Variants in NR2F1-AS1 observed in about 807,000 individuals in gnomAD.
NR2F1-AS1 encodes the protein NR2F1 antisense RNA 1.
intron 1 of NR2F1-AS1, chr5:93,569,986 C>G (rs1342892605): frequency 6.6e-6 from 1 of 152,184 alleles, no homozygotes; most frequent in Non-Finnish European, 1.5e-5. Context: ...GTAGTATTTC[C>G]GTTTCTCAGT....
At chr5:93,522,045 A>G (rs1242140622) in intron 4 of NR2F1-AS1, among the ~76,000 whole-genome samples, 1 of 152,248 alleles carries the variant, frequency 6.6e-6, no homozygotes, top group African/African-American at 2.4e-5. Flanking sequence ...GAATAAGATC[A>G]TATCTTTCAC....
chr5:93,444,960 T>C (rs964040892), intron 4 of NR2F1-AS1, among the ~76,000 whole-genome samples: 1 of 152,118 alleles, frequency 6.6e-6, no homozygotes, highest in African/African-American at 2.4e-5. Context: ...ATTGGGTACA[T>C]AACAAAATGA....
intron 4 of NR2F1-AS1, among the ~76,000 whole-genome samples, chr5:93,441,583 G>C (rs1398107786): frequency 1.3e-5 from 2 of 152,136 alleles, no homozygotes; most frequent in Non-Finnish European, 2.9e-5. Context: ...GAAAGATCAA[G>C]GTAGCTCAAC....
At chr5:93,574,509 C>A (rs575098082) in intron 1 of NR2F1-AS1, among the ~76,000 whole-genome samples, 5 of 152,048 alleles carry the variant, frequency 3.3e-5, no homozygotes, top group African/African-American at 1.2e-4. Context: ...AGAGTCAGAC[C>A]GCCAAAACAG....
At chr5:93,484,041 A>G (rs924333557) in intron 4 of NR2F1-AS1, among the ~76,000 whole-genome samples, 4 of 152,364 alleles carry the variant, frequency 2.6e-5, no homozygotes, top group African/African-American at 4.8e-5. Flanking sequence ...GATATTATCC[A>G]TGAGAACTTC....
intron 4 of NR2F1-AS1, among the ~76,000 whole-genome samples, chr5:93,516,515 C>A (rs1751404037): frequency 6.6e-6 from 1 of 151,850 alleles, no homozygotes; most frequent in Non-Finnish European, 1.5e-5. Flanking sequence ...TTATAATTTA[C>A]AAGGCACTTC....
At chr5:93,488,272 G>A (rs1345686463) in intron 4 of NR2F1-AS1, among the ~76,000 whole-genome samples, 1 of 152,152 alleles carries the variant, frequency 6.6e-6, no homozygotes, top group African/African-American at 2.4e-5. Context: ...CTTCTGCATA[G>A]CAAAAGAAAC....
chr5:93,574,599 C>T (rs1399590376), intron 1 of NR2F1-AS1, among the ~76,000 whole-genome samples: 1 of 152,162 alleles, frequency 6.6e-6, no homozygotes, highest in Non-Finnish European at 1.5e-5. Context: ...AAAGAAAGGT[C>T]AGGAAGCCCA....
At position 93,535,862 on chromosome 5, in the gene NR2F1-AS1, A is replaced by C. The variant is rs532250208; in HGVS notation, n.638+17899T>G. ...AATAAAGGCCACATATGACAAACCT[A>C]TGGCTAACATCATGCAAAAGATCAG... On this transcript the variant is annotated intron_variant and non_coding_transcript_variant, in intron 4 of 5. Transcript: ENST00000660523. Among the ~76,000 whole-genome samples, 3 of 152,282 alleles carry C rather than the reference A, an allele frequency of 2.0e-5. No homozygotes were observed. The East Asian group carries it at 5.8e-4, about 29-fold the overall frequency.
chr5:93,524,074 C>A (rs968521854), intron 4 of NR2F1-AS1, among the ~76,000 whole-genome samples: 1 of 151,956 alleles, frequency 6.6e-6, no homozygotes, highest in African/African-American at 2.4e-5. Context: ...GAAGGAGCAT[C>A]TTCTAACCCA....
chr5:93,499,704 T>C (rs1326558706), intron 4 of NR2F1-AS1, among the ~76,000 whole-genome samples: 2 of 152,254 alleles, frequency 1.3e-5, no homozygotes, highest in Admixed American at 1.3e-4. Flanking sequence ...GTCTCACATC[T>C]CTCACCAGAC....
chr5:93,454,986 GT>G (rs57893862), intron 4 of NR2F1-AS1, among the ~76,000 whole-genome samples: 3,138 of 152,254 alleles, frequency 0.021, 124 homozygotes, highest in African/African-American at 0.072. Flanking sequence ...GAAGTAGAGT[GT>G]TTCCCTGAGT....
At chr5:93,413,659 C>G (rs1748909131) in intron 4 of NR2F1-AS1, among the ~76,000 whole-genome samples, 1 of 152,080 alleles carries the variant, frequency 6.6e-6, no homozygotes, top group Non-Finnish European at 1.5e-5. Context: ...CTCATCTCCT[C>G]CAAGTACCTG....
chr5:93,516,716 G>T (rs1464979468), intron 4 of NR2F1-AS1, among the ~76,000 whole-genome samples: 1 of 151,836 alleles, frequency 6.6e-6, no homozygotes, highest in South Asian at 2.1e-4. Flanking sequence ...TCTTTTCATT[G>T]TACCACAAAC....
chr5:93,445,994 TCAACAG>T (rs1749696217), intron 4 of NR2F1-AS1, among the ~76,000 whole-genome samples: 1 of 152,176 alleles, frequency 6.6e-6, no homozygotes, highest in Non-Finnish European at 1.5e-5. Context: ...TCAACAAAAT[TCAACAG>T]CCCTTCATCC....
At chr5:93,535,070 T>A (rs890908924) in intron 4 of NR2F1-AS1, among the ~76,000 whole-genome samples, 1 of 151,922 alleles carries the variant, frequency 6.6e-6, no homozygotes, top group Non-Finnish European at 1.5e-5. Flanking sequence ...AAGCAGAAAG[T>A]ATGTTAAGGA....
rs1385341492 is a variant in NR2F1-AS1, at chr5:93,430,519, C to T, written n.639-34977G>A. On this transcript the variant is annotated intron_variant and non_coding_transcript_variant, in intron 4 of 5. Coordinates refer to ENST00000660523, the Ensembl canonical transcript of NR2F1-AS1. ...AGGCATTGGTGGTGAATGTGTATGT[C>T]GATATATACATATACACCATTAAAA... Among the ~76,000 whole-genome samples the T allele has an allele frequency of 3.3e-5, 5 of 151,884 alleles. No homozygotes were observed. The East Asian group carries it at 7.7e-4, about 23-fold the overall frequency.
intron 4 of NR2F1-AS1, among the ~76,000 whole-genome samples, chr5:93,494,196 GA>G (rs1750911224): frequency 6.6e-6 from 1 of 152,128 alleles, no homozygotes; most frequent in Admixed American, 6.6e-5. Context: ...CAAAGGAGCT[GA>G]ATAGGCATTT....
At chr5:93,489,536 G>A (rs533838441) in intron 4 of NR2F1-AS1, among the ~76,000 whole-genome samples, 60 of 151,996 alleles carry the variant, frequency 3.9e-4, no homozygotes, top group Admixed American at 1.0e-3. Context: ...CCTTTATTAC[G>A]GTGGTTCGGT....
Sources: gnomAD v4.1 joint callset for allele counts (sites outside exome capture counted in the v4.1 genomes callset) on GRCh38, gnomAD v4.1.1 for gene constraint, MANE v1.5 for transcripts, NCBI Gene and HGNC (gene_info 2026-07-23, HGNC 2026-07-21) for gene names.